GPM6B: variants seen among roughly 807,000 people sequenced by gnomAD.
GPM6B encodes the protein neuronal membrane glycoprotein M6-b.
Under a neutral mutation model 27.2 loss-of-function variants are expected in GPM6B, and 4 were observed. That is an observed-to-expected ratio of 0.15 (90% CI 0.07 to 0.34). GPM6B has a LOEUF of 0.34. Ranked by LOEUF, GPM6B falls within the 10% of genes least tolerant of loss-of-function variation. GPM6B has a pLI of 1.00. For missense variants in GPM6B, 183 were observed against 261.9 expected (o/e 0.70, Z 2.08); for synonymous variants, 124 against 103.1 (o/e 1.20, Z -1.23).
intron 2 of GPM6B, among the ~76,000 whole-genome samples, chrX:13,797,748 G>A (rs1382752032): frequency 1.8e-5 from 2 of 111,461 alleles, no homozygotes; most frequent in African/African-American, 6.5e-5. Context: ...GGTAGGCGGT[G>A]GCAGAATGGG....
chrX:13,874,032 G>T (rs992417023), intron 1 of GPM6B, among the ~76,000 whole-genome samples: 4 of 111,220 alleles, frequency 3.6e-5, no homozygotes, highest in Non-Finnish European at 7.5e-5. Flanking sequence ...TACATATTGT[G>T]CAAAAAGATA....
chrX:13,878,159 T>TAA (rs34946712), intron 1 of GPM6B, among the ~76,000 whole-genome samples: 17 of 105,434 alleles, frequency 1.6e-4, no homozygotes, highest in Non-Finnish European at 2.9e-4. Flanking sequence ...ATAAAGCTGT[T>TAA]AAAAAAAAAA....
chrX:13,813,115 C>G (rs749590646), intron 1 of GPM6B, among the ~76,000 whole-genome samples: 1 of 111,159 alleles, frequency 9.0e-6, no homozygotes, highest in Non-Finnish European at 1.9e-5. Flanking sequence ...AATGTCAACA[C>G]AAATTTCAAA....
intron 1 of GPM6B, among the ~76,000 whole-genome samples, chrX:13,920,658 G>A (rs1920961096): frequency 9.0e-6 from 1 of 111,475 alleles, no homozygotes; most frequent in East Asian, 2.8e-4. Flanking sequence ...TTGGGAGGCT[G>A]AGGAGGGCAG....
chrX:13,836,017 A>C (rs1055410619), intron 1 of GPM6B, among the ~76,000 whole-genome samples: 5 of 112,324 alleles, frequency 4.5e-5, no homozygotes, highest in Non-Finnish European at 9.4e-5. Flanking sequence ...AAACAAATGC[A>C]GGATGGTCTT....
chrX:13,773,522 A>ATTTTGGTT (rs2048342549), intron 7 of GPM6B: 2 of 111,949 alleles, frequency 1.8e-5, no homozygotes, highest in African/African-American at 6.5e-5. Flanking sequence ...GAAAAAATTA[A>ATTTTGGTT]ATGAATGTCA....
intron 1 of GPM6B, among the ~76,000 whole-genome samples, chrX:13,827,217 C>T (rs2049383144): frequency 1.8e-5 from 2 of 108,646 alleles, no homozygotes; most frequent in African/African-American, 6.7e-5. Context: ...TCCTGAAAGG[C>T]ACGGGCTAAA....
intron 1 of GPM6B, among the ~76,000 whole-genome samples, chrX:13,809,752 C>G (rs2049090135): frequency 9.0e-6 from 1 of 110,942 alleles, no homozygotes; most frequent in African/African-American, 3.3e-5. Flanking sequence ...GCCTGGCCAA[C>G]ATGGTGAAAC....
chrX:13,774,392 T>A lies in GPM6B; in HGVS notation c.838-1362A>T, dbSNP rs113899456. 1.3e-5 allele frequency: 14 copies of A among 1,068,577 alleles called. No individual in the cohort carries two copies. The African/African-American group carries it at 2.6e-4, about 20-fold the overall frequency. 88.1% of individuals were successfully genotyped at this position (1,068,577 alleles called of 1,213,427 possible). On this transcript the variant is annotated intron_variant, in intron 7 of 7. Transcript: ENST00000316715. ...TATTGTGTAATTCATGTACAGTAAG[T>A]CATCTTATTAATCTACCATGCAAGG... is the stretch of plus-strand genomic sequence containing the variant.
intron 1 of GPM6B, among the ~76,000 whole-genome samples, chrX:13,893,928 C>T (rs995765854): frequency 8.9e-5 from 10 of 112,353 alleles, no homozygotes; most frequent in South Asian, 3.7e-4. Context: ...CCCTCCTCTT[C>T]TCCCAAGGGG....
Position 13,811,378 on chromosome X carries a change from G to A in GPM6B, c.62-3609C>T, listed in dbSNP as rs148711634. On this transcript the variant is annotated intron_variant, in intron 1 of 7. Transcript: ENST00000316715. ...CTTAGCACCTAGGAAATTATCACCG[G>A]AAGCAACTAAGTGACAAACACTGAG... 4.8e-3 allele frequency among the ~76,000 whole-genome samples: 543 copies of A among 112,566 alleles called. 7 individuals carry two copies. Among genetic ancestry groups the A allele is most frequent in the African/African-American group, 0.016 (498 of 31,019 alleles).
intron 1 of GPM6B, among the ~76,000 whole-genome samples, chrX:13,927,335 G>T (rs1485079920): frequency 8.9e-6 from 1 of 112,747 alleles, no homozygotes; most frequent in Non-Finnish European, 1.9e-5. Context: ...AACACCATAC[G>T]ATTTAAAGCT....
At chrX:13,863,799 G>C (rs1224575804) in intron 1 of GPM6B, among the ~76,000 whole-genome samples, 1 of 112,134 alleles carries the variant, frequency 8.9e-6, no homozygotes, top group Non-Finnish European at 1.9e-5. Context: ...TGAAAGGAAA[G>C]GTCTTTGGCA....
At chrX:13,865,586 A>AAAAG (rs1356787179) in intron 1 of GPM6B, among the ~76,000 whole-genome samples, 1 of 85,996 alleles carries the variant, frequency 1.2e-5, no homozygotes, top group Non-Finnish European at 2.2e-5. Flanking sequence ...AAAAGAAAAG[A>AAAAG]AAAAAAAAAC....
Position 13,779,856 on chromosome X carries a change from G to A in GPM6B, c.659C>T (p.Thr220Met), listed in dbSNP as rs761972408. The A allele has an allele frequency of 7.5e-6, 9 of 1,192,794 alleles. No homozygotes were observed. Among genetic ancestry groups the A allele is most frequent in the African/African-American group, 1.8e-5 (1 of 56,826 alleles). The change falls in exon 5 of 8, where the codon ACG (threonine) becomes ATG (methionine). Residue 220 changes from threonine (T) to methionine (M), a missense_variant. Coordinates refer to ENST00000316715, the MANE Select transcript of GPM6B (RefSeq NM_001001995.3). ...VIKSPQTNGTTGVEQICVDIR... is the reference protein window; with the variant it reads ...VIKSPQTNGTMGVEQICVDIR... ...ATCCACACAGATCTGCTCCACACCC[G>A]TGGTCCCGTTGGTCTGCGGTGACTT...
intron 1 of GPM6B, among the ~76,000 whole-genome samples, chrX:13,875,237 A>C (rs777589267): frequency 2.2e-4 from 25 of 111,307 alleles, no homozygotes; most frequent in African/African-American, 7.8e-4. Context: ...AAGCCAAAAG[A>C]AGTAGGGTAA....
intron 1 of GPM6B, among the ~76,000 whole-genome samples, chrX:13,846,036 A>G (rs2049641777): frequency 9.0e-6 from 1 of 111,408 alleles, no homozygotes; most frequent in Admixed American, 9.5e-5. Flanking sequence ...AAAGAATGCC[A>G]AAACCCCGTT....
intron 2 of GPM6B, among the ~76,000 whole-genome samples, chrX:13,802,343 TTC>T (rs1450394812): frequency 1.8e-5 from 2 of 110,869 alleles, no homozygotes; most frequent in African/African-American, 3.3e-5. Flanking sequence ...TATCTCTGCT[TTC>T]TCTGTCTGCC....
upstream of GPM6B, among the ~76,000 whole-genome samples, chrX:13,820,068 C>A (rs773240904): frequency 3.6e-5 from 4 of 111,647 alleles, no homozygotes; most frequent in East Asian, 1.1e-3. Flanking sequence ...AGGTTGAACA[C>A]CTTGCTAGCC....
Sources: allele counts gnomAD v4.1 joint callset (sites outside exome capture counted in the v4.1 genomes callset), GRCh38; gene constraint gnomAD v4.1.1; transcripts MANE v1.5; gene names NCBI Gene and HGNC (gene_info 2026-07-23, HGNC 2026-07-21).